Variants in ZFYVE27 observed in about 807,000 individuals in gnomAD.
ZFYVE27 encodes the protein protrudin.
A neutral mutation model predicts 52.8 loss-of-function variants in ZFYVE27; 36 were observed. The ratio of observed to expected loss-of-function variants is 0.68; its 90% CI spans 0.52 to 0.90. The LOEUF is 0.90. ZFYVE27 is among the 40% of genes least tolerant of loss of function. The pLI is 0.00. For synonymous variants in ZFYVE27, 223 were observed against 215.6 expected, an observed-to-expected ratio of 1.03 and a Z score of -0.30; for missense variants, 450 against 527.2, an observed-to-expected ratio of 0.85 and a Z score of 1.43.
chr10:97,741,075 T>C (rs1245542514), intron 2 of ZFYVE27, among the ~76,000 whole-genome samples: 2 of 152,220 alleles, frequency 1.3e-5, no homozygotes, highest in African/African-American at 2.4e-5. Context: ...GTGGAGTGTG[T>C]TGAATTTCAG....
At chr10:97,745,491 C>T (rs1267239432) in intron 4 of ZFYVE27, among the ~76,000 whole-genome samples, 1 of 152,166 alleles carries the variant, frequency 6.6e-6, no homozygotes, top group East Asian at 1.9e-4. Flanking sequence ...GTTCTTTCTG[C>T]TGGAGAGACA....
At chr10:97,750,228 T>C in intron 6 of ZFYVE27, 103 bp from the exon 7 acceptor site, 1 of 1,445,854 alleles carries the variant, frequency 6.9e-7, no homozygotes, top group South Asian at 1.2e-5. Context: ...TTTCCTGTAG[T>C]GAAGGGAAGA....
intron 2 of ZFYVE27, among the ~76,000 whole-genome samples, chr10:97,741,262 G>A (rs763208933): frequency 5.3e-5 from 8 of 152,170 alleles, no homozygotes; most frequent in Non-Finnish European, 1.0e-4. Context: ...CCATTACTGG[G>A]TATATATCCA....
chr10:97,745,729 CACT>C (rs2045125243), intron 4 of ZFYVE27, among the ~76,000 whole-genome samples: 1 of 152,210 alleles, frequency 6.6e-6, no homozygotes, highest in African/African-American at 2.4e-5. Flanking sequence ...TAGTTATCAT[CACT>C]ACACTGTGGA....
intron 4 of ZFYVE27, among the ~76,000 whole-genome samples, chr10:97,747,383 A>C (rs12247656): frequency 0.053 from 8,049 of 152,270 alleles, 659 homozygotes; most frequent in African/African-American, 0.18. Flanking sequence ...CTTGTTCCTC[A>C]TCAAACATTT....
Position 97,738,472 on chromosome 10 carries a change from T to A in ZFYVE27, c.-1-5T>A. 6.2e-7 allele frequency: 1 copy of A among 1,613,860 alleles called. No homozygotes were observed. Among genetic ancestry groups the A allele is most frequent in the Non-Finnish European group, 8.5e-7 (1 of 1,180,018 alleles). Reference sequence around the variant, plus strand: ...TGCAAATGTTGGGAATTATTATGGTTACAGGATGCAGACATCAGAACGTGA... The same window carrying A: ...TGCAAATGTTGGGAATTATTATGGTAACAGGATGCAGACATCAGAACGTGA... On this transcript the variant is annotated splice_polypyrimidine_tract_variant and splice_region_variant and intron_variant, in intron 1 of 12. Transcript: ENST00000684270.
At chr10:97,759,185 T>C (rs984517693) in intron 12 of ZFYVE27, 51 bp from the exon 13 acceptor site, 4 of 1,608,714 alleles carry the variant, frequency 2.5e-6, no homozygotes, top group Non-Finnish European at 3.4e-6. Flanking sequence ...GTTGGGGCCA[T>C]GAACCAAAGG....
intron 8 of ZFYVE27, among the ~76,000 whole-genome samples, chr10:97,752,398 A>G (rs922324142): frequency 6.6e-6 from 1 of 152,192 alleles, no homozygotes; most frequent in Non-Finnish European, 1.5e-5. Context: ...CAAAACTTTG[A>G]TATATGATTG....
At chr10:97,739,514 T>G (rs932335386) in intron 2 of ZFYVE27, among the ~76,000 whole-genome samples, 1 of 152,198 alleles carries the variant, frequency 6.6e-6, no homozygotes. Flanking sequence ...GGCATTCTAC[T>G]CCCTAAATAT....
intron 10 of ZFYVE27, 79 bp downstream of exon 10, chr10:97,753,261 C>T: frequency 1.3e-6 from 2 of 1,537,626 alleles, no homozygotes; most frequent in Non-Finnish European, 8.8e-7. Flanking sequence ...CACCCAGCCA[C>T]AGGGGCAGAG....
chr10:97,757,718 C>T lies in ZFYVE27; in HGVS notation c.1166C>T (p.Ala389Val), dbSNP rs959570295. The T allele has an allele frequency of 3.7e-6, 6 of 1,614,034 alleles. No homozygotes were observed. Among genetic ancestry groups the T allele is most frequent in the Non-Finnish European group, 4.2e-6 (5 of 1,180,010 alleles). ...SFKVPKSSMG[A>V]TAPEAQRETV... ...AAGGTGCCCAAGTCCTCCATGGGGG[C>T]CACAGGTGAGTGGTGCAGGTGGTGG... Residue 389 changes from alanine to valine, a missense_variant, in exon 12 of 13, where the codon GCC (alanine) becomes GTC (valine). Coordinates refer to ENST00000684270, the MANE Select transcript of ZFYVE27 (RefSeq NM_001385875.1).
chr10:97,747,679 T>C (rs2136128640), intron 4 of ZFYVE27, among the ~76,000 whole-genome samples: 1 of 152,340 alleles, frequency 6.6e-6, no homozygotes, highest in South Asian at 2.1e-4. Context: ...CCTGTCATTT[T>C]TGAATGCTTC....
rs535965013 is a variant in ZFYVE27 at position 97,738,669 on chromosome 10, G to A, written c.192G>A (p.Leu64=). The change falls in exon 2 of 13, where the codon TTG becomes TTA. Residue 64 remains leucine (L), a synonymous_variant. Transcript: ENST00000684270. Reference sequence around the variant, plus strand: ...ATGCAGGTGATGGTGTTCGATACTTGCTCAGGTACAGACTTTGTGGAGTTG... The same window carrying A: ...ATGCAGGTGATGGTGTTCGATACTTACTCAGGTACAGACTTTGTGGAGTTG... ...LKDAGDGVRY[L]LRWQMPLCSL... The A allele has an allele frequency of 3.7e-6, 6 of 1,614,212 alleles. No individual in the cohort carries two copies. The highest frequency in any genetic ancestry group is 2.2e-5 in the South Asian group (2 of 91,084).
intron 7 of ZFYVE27, among the ~76,000 whole-genome samples, chr10:97,750,842 G>GCAGT (rs1339758959): frequency 1.3e-5 from 2 of 151,796 alleles, no homozygotes; most frequent in Admixed American, 1.3e-4. Context: ...CTGGGCTCAG[G>GCAGT]CAGTCCTCCC....
At chr10:97,753,629 A>G (rs1228375904) in intron 10 of ZFYVE27, among the ~76,000 whole-genome samples, 1 of 152,022 alleles carries the variant, frequency 6.6e-6, no homozygotes, top group Non-Finnish European at 1.5e-5. Flanking sequence ...TAAAAGGGGG[A>G]TCATCATTCT....
chr10:97,744,966 T>C, intron 4 of ZFYVE27, 51 bp downstream of exon 4: 1 of 1,535,780 alleles, frequency 6.5e-7, no homozygotes, highest in Non-Finnish European at 8.7e-7. Context: ...ACAGCAGCCA[T>C]GACACTAAGT....
Position 97,749,551 on chromosome 10 carries a change from G to C in ZFYVE27, c.629G>C (p.Ser210Thr). ...PLCWVLTLLN[S>T]TLFLGNVEFF... is the part of the protein sequence containing the mutation. ...TGCTGGGTTCTCACCCTTTTAAACA[G>C]CACGCTCTTTCTGGGGAATGTGGAG... The change falls in exon 6 of 13, where the codon AGC (serine) becomes ACC (threonine). Residue 210 changes from serine to threonine, a missense_variant. Physicochemically the swap from Ser to Thr is moderately conservative, Grantham distance 58. Transcript: ENST00000684270. 6.2e-7 allele frequency: 1 copy of C among 1,614,190 alleles called. No individual in the cohort carries two copies. Among genetic ancestry groups the C allele is most frequent in the Non-Finnish European group, 8.5e-7 (1 of 1,180,026 alleles).
Position 97,759,743 on chromosome 10 carries a change from C to T in ZFYVE27, c.*443C>T, listed in dbSNP as rs897137084. On this transcript the variant is annotated 3_prime_UTR_variant, in exon 13 of 13. Coordinates refer to ENST00000684270, the MANE Select transcript of ZFYVE27 (RefSeq NM_001385875.1). ...GGGTACTGGGCCAGGCCCTCAGCCT[C>T]AGAGAGCCTGCAGAAGGGCTTGGGA... The T allele has an allele frequency of 8.7e-6, 2 of 230,956 alleles. No homozygotes were observed. Among genetic ancestry groups the T allele is most frequent in the African/African-American group, 4.4e-5 (2 of 45,408 alleles). 14.3% of individuals were successfully genotyped at this position (230,956 alleles called of 1,614,324 possible).
At chr10:97,744,601 C>A in intron 3 of ZFYVE27, 128 bp from the exon 4 acceptor site, 1 of 1,071,870 alleles carries the variant, frequency 9.3e-7, no homozygotes, top group Non-Finnish European at 1.4e-6. Context: ...CTGTGTCGTA[C>A]AGAGCTATCA....
Sources: gnomAD v4.1 joint callset for allele counts (sites outside exome capture counted in the v4.1 genomes callset) on GRCh38, gnomAD v4.1.1 for gene constraint, MANE v1.5 for transcripts, NCBI Gene and HGNC (gene_info 2026-07-23, HGNC 2026-07-21) for gene names.